ZNF875: variants seen among roughly 807,000 people sequenced by gnomAD.
The protein encoded by ZNF875 is HKR1, GLI-Kruppel zinc finger family member.
In ZNF875, 14 loss-of-function variants were observed where a neutral mutation model predicts 11.2. The ratio of observed to expected loss-of-function variants is 1.26; its 90% confidence interval spans 0.83 to 1.96. The LOEUF (loss-of-function observed/expected upper bound fraction) is 1.96. Ranked by LOEUF, ZNF875 falls within the 30% of genes most tolerant of loss-of-function variation. The pLI, the probability that ZNF875 is intolerant of heterozygous loss-of-function variation, is 0.00. For missense variants in ZNF875, 752 were observed against 760.4 expected, an observed-to-expected ratio of 0.99 and a Z score of 0.13; for synonymous variants, 301 against 281.1, an observed-to-expected ratio of 1.07 and a Z score of -0.71.
At chr19:37,335,816 A>G (rs2145920516) in intron 2 of ZNF875, among the ~76,000 whole-genome samples, 1 of 152,314 alleles carries the variant, frequency 6.6e-6, no homozygotes, top group Middle Eastern at 3.4e-3. Context: ...TTACCGTTTA[A>G]TCATATAACC....
intron 2 of ZNF875, among the ~76,000 whole-genome samples, chr19:37,341,610 G>A (rs977221133): frequency 1.3e-5 from 2 of 152,102 alleles, no homozygotes; most frequent in African/African-American, 2.4e-5. Flanking sequence ...GTCATAGAAC[G>A]GGATAACATA....
intron 1 of ZNF875, among the ~76,000 whole-genome samples, chr19:37,321,214 C>T (rs62109233): frequency 6.6e-6 from 1 of 152,016 alleles, no homozygotes; most frequent in African/African-American, 2.4e-5. Flanking sequence ...GTAAAGGGTC[C>T]GTGGTGAGGA....
intron 2 of ZNF875, among the ~76,000 whole-genome samples, chr19:37,336,112 A>C (rs1230328071): frequency 4.6e-5 from 7 of 152,080 alleles, no homozygotes; most frequent in Non-Finnish European, 1.0e-4. Flanking sequence ...GATGCCTGTG[A>C]TTTCAAATGG....
chr19:37,339,552 T>G (rs1568593761), intron 2 of ZNF875, among the ~76,000 whole-genome samples: 1 of 147,056 alleles, frequency 6.8e-6, no homozygotes, highest in Non-Finnish European at 1.5e-5. Context: ...CAGTTTTTTT[T>G]TTTTTTTTTT....
chr19:37,363,443 G>C lies in ZNF875; in HGVS notation c.1591G>C (p.Glu531Gln), dbSNP rs144607320. ...LISHQRTHSGEKPFMCRECGR... is the reference protein window; with the variant it reads ...LISHQRTHSGQKPFMCRECGR... The stretch of plus-strand genomic sequence containing the variant: ...TTCACACCAGAGGACACATTCAGGG[G>C]AAAAGCCTTTTATGTGCAGGGAGTG... The change falls in exon 5 of 5, where the codon GAA becomes CAA. Residue 531 changes from glutamate to glutamine, a missense_variant. Transcript: ENST00000392153. The C allele has an allele frequency of 4.6e-5, 74 of 1,613,918 alleles. No homozygotes were observed. The highest frequency in any genetic ancestry group is 6.2e-5 in the Non-Finnish European group (73 of 1,180,012).
chr19:37,343,586 T>C (rs1000249682), intron 2 of ZNF875, among the ~76,000 whole-genome samples: 36 of 152,046 alleles, frequency 2.4e-4, no homozygotes, highest in African/African-American at 8.5e-4. Context: ...TCCTGGTTCT[T>C]CTCCATGTGG....
intron 4 of ZNF875, among the ~76,000 whole-genome samples, chr19:37,361,144 CTG>C (rs1394295692): frequency 7.6e-6 from 1 of 131,682 alleles, no homozygotes; most frequent in Non-Finnish European, 1.5e-5. Context: ...CAGAGTCTCA[CTG>C]TGTCACCAGG....
chr19:37,327,279 CA>C (rs2032631786), intron 4 of ZNF875, among the ~76,000 whole-genome samples: 1 of 152,026 alleles, frequency 6.6e-6, no homozygotes, highest in Non-Finnish European at 1.5e-5. Context: ...AGGCATGAGC[CA>C]TTTTCCCTGG....
At chr19:37,327,557 C>T (rs1208395767) in intron 4 of ZNF875, among the ~76,000 whole-genome samples, 1 of 151,672 alleles carries the variant, frequency 6.6e-6, no homozygotes, top group African/African-American at 2.4e-5. Context: ...CACCTGAGGT[C>T]AGGGGTTTGA....
chr19:37,335,178 C>CT lies in ZNF875; in HGVS notation c.-46dup. 1 of 702,146 alleles carries CT rather than the reference C, an allele frequency of 1.4e-6. No homozygotes were observed. The highest frequency in any genetic ancestry group is 1.5e-5 in the South Asian group (1 of 67,550). The allele number at this position is 702,146 out of a possible 1,614,324, so 43.5% of individuals were successfully genotyped here. A position where few individuals can be genotyped will look rare whatever the true frequency, so the allele number is the denominator to read the frequency against. ...CTCTTCACATCCCCAGATCTGTCTT[C>CT]TGAGACTTTGCCCTTCTCCAGGAAG... On this transcript the variant is annotated 5_prime_UTR_variant, in exon 2 of 5. Coordinates refer to ENST00000392153, the MANE Select transcript of ZNF875 (RefSeq NM_001353803.2).
chr19:37,325,606 C>A (rs1163931250), intron 4 of ZNF875, among the ~76,000 whole-genome samples: 1 of 151,180 alleles, frequency 6.6e-6, no homozygotes, highest in Non-Finnish European at 1.5e-5. Flanking sequence ...AATGCAGTGG[C>A]ACCAGCATAG....
chr19:37,350,799 C>CTTTTTTTTTTTTTTTTT (rs61142979), intron 4 of ZNF875, among the ~76,000 whole-genome samples: 1 of 91,266 alleles, frequency 1.1e-5, no homozygotes, highest in African/African-American at 4.4e-5. Flanking sequence ...ATTCTTTTTG[C>CTTTTTTTTTTTTTTTTT]TTTTTTTTTT....
At chr19:37,331,790 T>TCCCCCAGCCCGACA (rs750052027), upstream of ZNF875, among the ~76,000 whole-genome samples, 77 of 132,102 alleles carry the variant, frequency 5.8e-4, 4 homozygotes, top group African/African-American at 1.8e-3. Context: ...GACCTGACCG[T>TCCCCCAGCCCGACA]CCCCCAGCCC....
chr19:37,319,048 ATT>A (rs752095085), intron 1 of ZNF875, among the ~76,000 whole-genome samples: 10 of 138,368 alleles, frequency 7.2e-5, no homozygotes, highest in Admixed American at 1.4e-4. Context: ...GCTGGTTTAG[ATT>A]TTTTTTTTTT....
At chr19:37,319,238 G>A (rs2030780998) in intron 1 of ZNF875, among the ~76,000 whole-genome samples, 2 of 150,374 alleles carry the variant, frequency 1.3e-5, no homozygotes, top group African/African-American at 4.9e-5. Context: ...TAGAGATTGG[G>A]TTTCTTCATG....
chr19:37,340,570 G>A (rs1265898984), intron 2 of ZNF875, among the ~76,000 whole-genome samples: 1 of 150,038 alleles, frequency 6.7e-6, no homozygotes, highest in East Asian at 2.0e-4. Context: ...GTATCCTGTT[G>A]TCTGATGTCA....
chr19:37,344,631 T>C (rs2036409888), intron 2 of ZNF875: 3 of 1,502,886 alleles, frequency 2.0e-6, no homozygotes, highest in Non-Finnish European at 2.8e-6. Flanking sequence ...ATGAATTAAC[T>C]CCCCCAAGCT....
chr19:37,347,568 C>T (rs1049430241), intron 3 of ZNF875: 4 of 610,504 alleles, frequency 6.6e-6, no homozygotes, highest in Non-Finnish European at 1.2e-5. Flanking sequence ...GCTTCAAACC[C>T]AGGAAATTTT....
intron 1 of ZNF875, among the ~76,000 whole-genome samples, chr19:37,319,631 G>A (rs1473119181): frequency 1.3e-5 from 2 of 152,082 alleles, no homozygotes; most frequent in Admixed American, 6.5e-5. Context: ...GAGAGCTGTG[G>A]AAATGTCCAG....
Sources: allele counts gnomAD v4.1 joint callset (sites outside exome capture counted in the v4.1 genomes callset), GRCh38; gene constraint gnomAD v4.1.1; transcripts MANE v1.5; gene names NCBI Gene and HGNC (gene_info 2026-07-23, HGNC 2026-07-21).